The following SF3B3 variants were observed in gnomAD, a reference collection of about 807,000 sequenced individuals.
SF3B3 encodes splicing factor 3b subunit 3, also known as SAP 130.
SF3B3 carries 33 observed loss-of-function variants against 139.2 expected under a neutral mutation model. The observed-to-expected ratio is 0.24, with a 90% CI of 0.18 to 0.32. SF3B3 has a LOEUF of 0.32. Among genes scored for constraint, SF3B3 ranks in the 10% least tolerant of loss-of-function variants. The probability of loss-of-function intolerance (pLI) is 1.00; values close to 1 mark genes in which losing one functional copy is unlikely to be tolerated. For missense variants in SF3B3, 818 were observed against 1,509.4 expected (o/e 0.54, Z 7.59); for synonymous variants, 596 against 563.6 (o/e 1.06, Z -0.81).
At chr16:70,556,454 A>AGCT in intron 14 of SF3B3, 120 bp downstream of exon 14, 1 of 1,076,664 alleles carries the variant, frequency 9.3e-7, no homozygotes, top group Non-Finnish European at 1.4e-6. Context: ...GTTAGAACCC[A>AGCT]GAATCCATAC....
Position 70,571,946 on chromosome 16 carries a change from C to A in SF3B3, c.*133C>A. On this transcript the variant is annotated 3_prime_UTR_variant, in exon 26 of 26. Coordinates refer to ENST00000302516, the MANE Select transcript of SF3B3 (RefSeq NM_012426.5). The stretch of plus-strand genomic sequence containing the variant: ...AAGACTGCATTATGAAAGTCAACAG[C>A]TCTTTCCCCTCAGCTCTTCTCCTGG... The A allele has an allele frequency of 9.4e-7, 1 of 1,067,630 alleles. No individual in the cohort carries two copies. Among genetic ancestry groups the A allele is most frequent in the Admixed American group, 2.3e-5 (1 of 42,828 alleles). 66.1% of individuals were successfully genotyped at this position (1,067,630 alleles called of 1,614,324 possible).
chr16:70,569,281 C>T (rs1305716718), intron 23 of SF3B3, 140 bp downstream of exon 23: 4 of 582,028 alleles, frequency 6.9e-6, no homozygotes, highest in African/African-American at 5.7e-5. Context: ...CCTTTCTTAC[C>T]AATCTGCAAA....
chr16:70,547,571 A>T (rs968551843), intron 10 of SF3B3, among the ~76,000 whole-genome samples: 8 of 152,194 alleles, frequency 5.3e-5, no homozygotes, highest in Non-Finnish European at 1.2e-4. Flanking sequence ...CAAAACAGTT[A>T]GTACCCTAAG....
At chr16:70,524,205 G>C (rs893948984) in intron 1 of SF3B3, 1 of 244,190 alleles carries the variant, frequency 4.1e-6, no homozygotes, top group African/African-American at 2.2e-5. Context: ...GGTGTGACAA[G>C]CAGCGGGAGG....
chr16:70,525,831 G>A (rs1372142775), intron 1 of SF3B3, among the ~76,000 whole-genome samples: 1 of 151,520 alleles, frequency 6.6e-6, no homozygotes, highest in Non-Finnish European at 1.5e-5. Context: ...TGTGGTGGCG[G>A]GCGCCTGTTG....
intron 10 of SF3B3, 132 bp from the exon 11 acceptor site, chr16:70,548,238 A>G: frequency 1.4e-6 from 1 of 704,156 alleles, no homozygotes; most frequent in East Asian, 2.5e-5. Context: ...TTCTTTCACT[A>G]GGTGGTTTCA....
At position 70,554,719 on chromosome 16, in the gene SF3B3, A is replaced by C. The variant is rs904752808; in HGVS notation, c.1554+122A>C. ...CTTCCAGCAAGCCTTAGGGGTAGGG[A>C]ACATATGATTTGGGCACATAATATC... On this transcript the variant is annotated intron_variant, in intron 12 of 25. Coordinates refer to ENST00000302516, the MANE Select transcript of SF3B3 (RefSeq NM_012426.5). 3.0e-6 allele frequency: 3 copies of C among 1,005,636 alleles called. No homozygotes were observed. The African/African-American group carries it at 4.9e-5, about 16-fold the overall frequency. 62.3% of individuals were successfully genotyped at this position (1,005,636 alleles called of 1,614,324 possible). A position where few individuals can be genotyped will look rare whatever the true frequency, so the allele number is the denominator to read the frequency against.
chr16:70,526,597 C>A lies in SF3B3; in HGVS notation c.-60C>A. ...TTTCTGTTTTCTTAGCTTTCTTGGA[C>A]TCCGTACTGTTGGTGTAACCAAGGC... On this transcript the variant is annotated 5_prime_UTR_variant, in exon 2 of 26. Coordinates refer to ENST00000302516, the MANE Select transcript of SF3B3 (RefSeq NM_012426.5). The A allele has an allele frequency of 2.5e-6, 3 of 1,185,914 alleles. No individual in the cohort carries two copies. Among genetic ancestry groups the A allele is most frequent in the South Asian group, 1.3e-5 (1 of 77,706 alleles). 73.5% of individuals were successfully genotyped at this position (1,185,914 alleles called of 1,614,324 possible). A position where few individuals can be genotyped will look rare whatever the true frequency, so the allele number is the denominator to read the frequency against.
rs927188001 is a variant in SF3B3 at position 70,541,666 on chromosome 16, C to T, written c.1068-3C>T. ...AAAGTTTCTCTCCTCTGCTTCTTCC[C>T]AGTTACTTATATCAAATTGCACATC... On this transcript the variant is annotated splice_region_variant and splice_polypyrimidine_tract_variant and intron_variant, in intron 8 of 25. Transcript: ENST00000302516. 2 of 1,612,586 alleles carry T rather than the reference C, an allele frequency of 1.2e-6. No homozygotes were observed. Among genetic ancestry groups the T allele is most frequent in the Non-Finnish European group, 8.5e-7 (1 of 1,178,968 alleles).
Position 70,536,258 on chromosome 16 carries a change from C to T in SF3B3, c.825+838C>T, listed in dbSNP as rs192404821. ...TCTTGGCTCACTGAAACCTCTGCCC[C>T]CCGGGTTCAAGTGATTTTCCCACCT... On this transcript the variant is annotated intron_variant, in intron 6 of 25. Coordinates refer to ENST00000302516, the MANE Select transcript of SF3B3 (RefSeq NM_012426.5). 9.9e-3 allele frequency among the ~76,000 whole-genome samples: 1,507 copies of T among 152,134 alleles called. 9 individuals are homozygous for T. The highest frequency in any genetic ancestry group is 0.015 in the Non-Finnish European group (1,025 of 67,986).
intron 18 of SF3B3, among the ~76,000 whole-genome samples, chr16:70,564,551 T>A (rs1322409164): frequency 6.6e-6 from 1 of 152,176 alleles, no homozygotes; most frequent in Admixed American, 6.6e-5. Flanking sequence ...GAAACAGAAT[T>A]CTCCCGTCCT....
In SF3B3 at chr16:70,568,458, C is replaced by G. The variant is rs1370221315; in HGVS notation, c.3128C>G (p.Thr1043Ser). The G allele has an allele frequency of 1.5e-5, 24 of 1,613,850 alleles. No homozygotes were observed. Among genetic ancestry groups the G allele is most frequent in the Non-Finnish European group, 2.0e-5 (24 of 1,179,904 alleles). Residue 1043 changes from threonine to serine, a missense_variant, in exon 22 of 26, where the codon ACT becomes AGT. Around this residue, in one of 14 missense-constraint regions of SF3B3, gnomAD observed 91 missense variants for 171.8 expected, o/e 0.53. Transcript: ENST00000302516. The part of the protein sequence containing the change: ...VTTASLLDYD[T>S]VAGADKFGNI... ...ACAGCCAGCCTCCTGGACTATGACA[C>G]TGTGGCTGGGGCAGACAAGTTTGGC...
chr16:70,555,291 A>G (rs1192393073), intron 13 of SF3B3, 85 bp downstream of exon 13: 1 of 1,276,632 alleles, frequency 7.8e-7, no homozygotes, highest in Non-Finnish European at 1.1e-6. Context: ...TTTAGATGAT[A>G]GTATGGTGAA....
intron 24 of SF3B3, among the ~76,000 whole-genome samples, chr16:70,570,610 G>A (rs1052307006): frequency 1.3e-5 from 2 of 152,156 alleles, no homozygotes; most frequent in African/African-American, 2.4e-5. Context: ...GATTACAGGC[G>A]TGAGCCACCC....
At chr16:70,551,572 C>T (rs1567418428) in intron 11 of SF3B3, among the ~76,000 whole-genome samples, 1 of 152,154 alleles carries the variant, frequency 6.6e-6, no homozygotes, top group African/African-American at 2.4e-5. Flanking sequence ...TGTGGTGGCA[C>T]ATGCCTGTAA....
chr16:70,526,500 C>T (rs2050065916), intron 1 of SF3B3, 87 bp from the exon 2 acceptor site: 1 of 602,212 alleles, frequency 1.7e-6, no homozygotes. Context: ...TCTGCTGGTT[C>T]TGCTGTCTTC....
In SF3B3 at chr16:70,560,606, T is replaced by C. The variant is rs770833832; in HGVS notation, c.2133+15T>C. The stretch of plus-strand genomic sequence containing the variant: ...GCCAGGAGGCAGTAAGTAATGAAGG[T>C]TGGGGACAGGCAACATCTTTGGGAT... On this transcript the variant is annotated intron_variant, in intron 16 of 25. Transcript: ENST00000302516. 5.6e-6 allele frequency: 9 copies of C among 1,612,184 alleles called. No individual in the cohort carries two copies. Among genetic ancestry groups the C allele is most frequent in the African/African-American group, 4.0e-5 (3 of 74,852 alleles).
At chr16:70,561,858 T>C in intron 17 of SF3B3, 74 bp downstream of exon 17, 1 of 1,351,438 alleles carries the variant, frequency 7.4e-7, no homozygotes, top group Non-Finnish European at 1.0e-6. Context: ...TGCCAGAGTG[T>C]TGGAGGAGGC....
chr16:70,535,523 A>G lies in SF3B3; in HGVS notation c.825+103A>G, dbSNP rs557556668. 5.0e-5 allele frequency: 30 copies of G among 598,428 alleles called. 1 individual carries two copies. In the South Asian group the frequency reaches 9.8e-4, roughly 20 times the overall value. The allele number at this position is 598,428 out of a possible 1,614,324, so 37.1% of individuals were successfully genotyped here. A position where few individuals can be genotyped will look rare whatever the true frequency, so the allele number is the denominator to read the frequency against. On this transcript the variant is annotated intron_variant, in intron 6 of 25. Transcript: ENST00000302516. ...AATTTAGTTTTTTTGTAAATTAAAA[A>G]AAAAATTCAGTGACCCTGGGGCAGG...
Sources: gnomAD v4.1 joint callset for allele counts (sites outside exome capture counted in the v4.1 genomes callset) on GRCh38, gnomAD v4.1.1 for gene constraint, gnomAD v4.1.1 regional missense constraint, MANE v1.5 for transcripts, NCBI Gene and HGNC (gene_info 2026-07-23, HGNC 2026-07-21) for gene names.